Variants in ATRX observed in about 807,000 individuals in gnomAD.
The protein encoded by ATRX is ATRX chromatin remodeler.
In ATRX, 12 loss-of-function variants were observed where a neutral mutation model predicts 172.6. That is an observed-to-expected ratio of 0.07 (90% CI 0.04 to 0.11). The LOEUF is 0.11. Ranked by LOEUF, ATRX falls within the 10% of genes least tolerant of loss-of-function variation. ATRX has a pLI of 1.00. For synonymous variants in ATRX, 674 were observed against 594.7 expected (o/e 1.13, Z -1.94); for missense variants, 1,368 against 1,767.4 (o/e 0.77, Z 4.05).
intron 9 of ATRX, among the ~76,000 whole-genome samples, chrX:77,677,129 T>C (rs1252823391): frequency 9.3e-6 from 1 of 107,921 alleles, no homozygotes; most frequent in Non-Finnish European, 1.9e-5. Context: ...AAAAAAAAAA[T>C]CTAAAGAGGT....
intron 1 of ATRX, among the ~76,000 whole-genome samples, chrX:77,770,664 CAA>C (rs782015123): frequency 1.8e-5 from 2 of 112,156 alleles, no homozygotes; most frequent in East Asian, 5.6e-4. Context: ...TCAGGACAGA[CAA>C]AGAGAGGCCA....
At chrX:77,602,354 G>A (rs1448989837) in intron 22 of ATRX, among the ~76,000 whole-genome samples, 1 of 110,131 alleles carries the variant, frequency 9.1e-6, no homozygotes, top group East Asian at 2.9e-4. Context: ...TGTAAGTGAA[G>A]GAAGGTTTGT....
At chrX:77,657,577 C>A (rs1411972247) in intron 12 of ATRX, among the ~76,000 whole-genome samples, 1 of 111,088 alleles carries the variant, frequency 9.0e-6, no homozygotes, top group Non-Finnish European at 1.9e-5. Context: ...TTGATTATAA[C>A]TGGTAAAATA....
intron 30 of ATRX, among the ~76,000 whole-genome samples, chrX:77,549,134 C>T (rs1557054567): frequency 9.0e-6 from 1 of 111,639 alleles, no homozygotes; most frequent in Non-Finnish European, 1.9e-5. Context: ...CCTGTAATCC[C>T]AGCACTTTAG....
At chrX:77,520,967 A>G in intron 33 of ATRX, 51 bp from the exon 34 acceptor site, 1 of 1,112,200 alleles carries the variant, frequency 9.0e-7, no homozygotes, top group Non-Finnish European at 1.2e-6. Flanking sequence ...ATTGAGGAAA[A>G]ATAATTAAGG....
At chrX:77,591,768 C>G (rs1557080587) in intron 26 of ATRX, among the ~76,000 whole-genome samples, 2 of 112,021 alleles carry the variant, frequency 1.8e-5, no homozygotes, top group Non-Finnish European at 3.8e-5. Flanking sequence ...TCAATTCTTT[C>G]TGTGCTACAA....
intron 30 of ATRX, among the ~76,000 whole-genome samples, chrX:77,541,924 C>T (rs1186081930): frequency 9.0e-6 from 1 of 111,574 alleles, no homozygotes; most frequent in Non-Finnish European, 1.9e-5. Context: ...AGGATGCCCT[C>T]TCTCATCACT....
intron 11 of ATRX, 130 bp from the exon 12 acceptor site, chrX:77,663,688 G>T (rs2070059209): frequency 2.0e-6 from 1 of 506,792 alleles, no homozygotes; most frequent in Non-Finnish European, 3.3e-6. Flanking sequence ...TGGTATCATT[G>T]GTGTTATCAG....
chrX:77,639,174 T>C (rs1352331117), intron 15 of ATRX, among the ~76,000 whole-genome samples: 1 of 112,037 alleles, frequency 8.9e-6, no homozygotes, highest in Admixed American at 9.5e-5. Flanking sequence ...CCTGTAAATA[T>C]GATTGGGCTA....
intron 9 of ATRX, 77 bp downstream of exon 9, chrX:77,681,443 T>C: frequency 2.0e-6 from 2 of 1,013,693 alleles, no homozygotes; most frequent in Non-Finnish European, 2.8e-6. Context: ...TTTGATTAGC[T>C]TCAGAGGAAA....
At chrX:77,708,218 T>C (rs1447513086) in intron 2 of ATRX, among the ~76,000 whole-genome samples, 1 of 112,245 alleles carries the variant, frequency 8.9e-6, no homozygotes, top group Non-Finnish European at 1.9e-5. Context: ...ACAAATATGG[T>C]ATACACATAT....
At chrX:77,524,890 T>C (rs1304660631) in intron 30 of ATRX, among the ~76,000 whole-genome samples, 1 of 109,516 alleles carries the variant, frequency 9.1e-6, no homozygotes, top group African/African-American at 3.3e-5. Flanking sequence ...GGACTACAGG[T>C]GCATACCACT....
At chrX:77,633,422 TA>T (rs1557106540) in intron 18 of ATRX, 38 bp from the exon 19 acceptor site, 1 of 1,175,249 alleles carries the variant, frequency 8.5e-7, no homozygotes. Flanking sequence ...AAGTAGCTAC[TA>T]AAAACATGTG....
At chrX:77,648,416 T>C (rs2069024479) in intron 15 of ATRX, among the ~76,000 whole-genome samples, 1 of 111,141 alleles carries the variant, frequency 9.0e-6, no homozygotes, top group African/African-American at 3.3e-5. Flanking sequence ...ATCTGTAAGA[T>C]GCAGTGTTTA....
At chrX:77,780,699 G>C (rs782063897) in intron 1 of ATRX, among the ~76,000 whole-genome samples, 27 of 109,443 alleles carry the variant, frequency 2.5e-4, no homozygotes, top group Non-Finnish European at 4.6e-4. Flanking sequence ...CCAGCACTTT[G>C]GGAGGCCAAG....
intron 34 of ATRX, among the ~76,000 whole-genome samples, chrX:77,510,352 CAT>C (rs2062830160): frequency 9.1e-6 from 1 of 109,642 alleles, no homozygotes; most frequent in Non-Finnish European, 1.9e-5. Context: ...TCAGGTGTGA[CAT>C]AGCACATTCC....
chrX:77,542,245 A>C (rs2064031761), intron 30 of ATRX, among the ~76,000 whole-genome samples: 2 of 111,764 alleles, frequency 1.8e-5, no homozygotes, highest in Non-Finnish European at 3.8e-5. Flanking sequence ...AATACCTAGG[A>C]ATACAACTTA....
chrX:77,600,198 A>T (rs993370268), intron 23 of ATRX, among the ~76,000 whole-genome samples: 1 of 112,066 alleles, frequency 8.9e-6, no homozygotes, highest in Non-Finnish European at 1.9e-5. Flanking sequence ...CTATTTTTGC[A>T]ACTTTTCTAT....
intron 22 of ATRX, among the ~76,000 whole-genome samples, chrX:77,606,933 C>T (rs555885301): frequency 2.7e-5 from 3 of 111,629 alleles, no homozygotes; most frequent in African/African-American, 9.7e-5. Flanking sequence ...TAATATTCAA[C>T]ATCCCTTCAT....
Sources: allele counts gnomAD v4.1 joint callset (sites outside exome capture counted in the v4.1 genomes callset), GRCh38; gene constraint gnomAD v4.1.1; transcripts MANE v1.5; gene names NCBI Gene and HGNC (gene_info 2026-07-23, HGNC 2026-07-21).